The following KAZN variants were observed in gnomAD, a reference collection of about 807,000 sequenced individuals.
KAZN encodes the protein kazrin.
KAZN carries 40 observed loss-of-function variants against 87.4 expected under a neutral mutation model. The ratio of observed to expected loss-of-function variants is 0.46; its 90% CI spans 0.36 to 0.60. KAZN has a LOEUF of 0.60. Ranked by LOEUF, KAZN falls within the 20% of genes least tolerant of loss-of-function variation. The pLI is 0.00. For synonymous variants in KAZN, 466 were observed against 458.3 expected (o/e 1.02, Z -0.22); for missense variants, 898 against 1,073.9 (o/e 0.84, Z 2.29).
At chr1:14,992,891 G>A (rs1244016251) in intron 2 of KAZN, among the ~76,000 whole-genome samples, 1 of 151,850 alleles carries the variant, frequency 6.6e-6, no homozygotes, top group South Asian at 2.1e-4. Context: ...CGATCCACTC[G>A]CCTCAGCCTC....
chr1:14,137,865 C>T (rs917363423), intron 1 of KAZN, among the ~76,000 whole-genome samples: 14 of 151,924 alleles, frequency 9.2e-5, no homozygotes, highest in African/African-American at 2.2e-4. Flanking sequence ...TGTGCCACCA[C>T]GCCCAGGCAG....
chr1:13,933,290 C>T (rs149803053), intron 1 of KAZN, among the ~76,000 whole-genome samples: 2,904 of 151,950 alleles, frequency 0.019, 37 homozygotes, highest in Middle Eastern at 0.041. Context: ...GTCAGGAGTT[C>T]GAGACCAGAC....
At chr1:14,120,580 G>C (rs1308868609) in intron 1 of KAZN, among the ~76,000 whole-genome samples, 4 of 152,156 alleles carry the variant, frequency 2.6e-5, no homozygotes, top group Non-Finnish European at 5.9e-5. Flanking sequence ...CCTTCACTGG[G>C]CCCAGAGGTA....
At chr1:14,016,582 A>C (rs954673359) in intron 1 of KAZN, among the ~76,000 whole-genome samples, 4 of 152,072 alleles carry the variant, frequency 2.6e-5, no homozygotes, top group African/African-American at 9.7e-5. Flanking sequence ...TCCCAGTGAA[A>C]TTTCAGAATA....
intron 1 of KAZN, among the ~76,000 whole-genome samples, chr1:14,029,770 A>C (rs1330218289): frequency 6.6e-6 from 1 of 151,558 alleles, no homozygotes; most frequent in African/African-American, 2.4e-5. Context: ...GGTTTGTCAA[A>C]GATCAGATAG....
At chr1:14,576,308 G>A (rs1350362582) in intron 2 of KAZN, among the ~76,000 whole-genome samples, 1 of 151,066 alleles carries the variant, frequency 6.6e-6, no homozygotes, top group Non-Finnish European at 1.5e-5. Context: ...ATGGATGGAT[G>A]GATGGATGGA....
At chr1:14,195,704 G>A (rs1279484483) in intron 2 of KAZN, among the ~76,000 whole-genome samples, 1 of 152,112 alleles carries the variant, frequency 6.6e-6, no homozygotes, top group Non-Finnish European at 1.5e-5. Context: ...ATAAGAAAAT[G>A]TTGCATCTGA....
intron 2 of KAZN, among the ~76,000 whole-genome samples, chr1:14,567,465 T>C (rs1288071452): frequency 6.6e-6 from 1 of 152,216 alleles, no homozygotes; most frequent in Non-Finnish European, 1.5e-5. Flanking sequence ...AGTGAGCACA[T>C]GCTGTTGGAA....
intron 2 of KAZN, among the ~76,000 whole-genome samples, chr1:14,335,023 G>A (rs1397403508): frequency 6.6e-6 from 1 of 151,998 alleles, no homozygotes; most frequent in Non-Finnish European, 1.5e-5. Flanking sequence ...TGAGTCTCAT[G>A]TTGAAACGTG....
intron 2 of KAZN, among the ~76,000 whole-genome samples, chr1:14,213,478 T>C (rs2100462274): frequency 6.6e-6 from 1 of 152,152 alleles, no homozygotes; most frequent in Non-Finnish European, 1.5e-5. Context: ...GGGAGGAGTA[T>C]CCAAGACAGA....
intron 1 of KAZN, among the ~76,000 whole-genome samples, chr1:14,120,691 T>A (rs1346477340): frequency 6.6e-6 from 1 of 152,150 alleles, no homozygotes; most frequent in East Asian, 1.9e-4. Flanking sequence ...TGGAGGGGAT[T>A]GGCAGTGTTC....
chr1:14,793,966 A>C (rs774793078), intron 1 of KAZN, among the ~76,000 whole-genome samples: 22 of 152,214 alleles, frequency 1.4e-4, no homozygotes, highest in Admixed American at 2.6e-4. Context: ...GAGGAAATTA[A>C]AAACCAGATT....
chr1:14,067,572 G>A (rs1014284524), intron 1 of KAZN, among the ~76,000 whole-genome samples: 2 of 152,150 alleles, frequency 1.3e-5, no homozygotes, highest in Non-Finnish European at 2.9e-5. Context: ...AGTGCCTGGT[G>A]CCTCATGCTG....
chr1:14,363,451 AG>A (rs1659692014), intron 2 of KAZN, among the ~76,000 whole-genome samples: 1 of 152,206 alleles, frequency 6.6e-6, no homozygotes. Context: ...TGGGCTGCTC[AG>A]ACTTCATAGT....
chr1:14,073,819 T>C (rs1008984185), intron 1 of KAZN, among the ~76,000 whole-genome samples: 1 of 152,202 alleles, frequency 6.6e-6, no homozygotes, highest in Non-Finnish European at 1.5e-5. Context: ...TTTGGGTTGG[T>C]TCCAAGTCTT....
At chr1:14,883,401 A>AAGAAAGAAAGAAAGAAAG (rs1557586771) in intron 1 of KAZN, among the ~76,000 whole-genome samples, 8 of 143,812 alleles carry the variant, frequency 5.6e-5, no homozygotes, top group African/African-American at 2.2e-4. Flanking sequence ...GAAAGAAAGA[A>AAGAAAGAAAGAAAGAAAG]AGAAAGAAAG....
In KAZN at chr1:14,789,805, A is replaced by G. The variant is rs549908604; in HGVS notation, c.227-170879A>G. 2.7e-3 allele frequency among the ~76,000 whole-genome samples: 370 copies of G among 138,324 alleles called. 3 individuals carry two copies. Among genetic ancestry groups the G allele is most frequent in the African/African-American group, 9.2e-3 (343 of 37,312 alleles). 90.7% of individuals were successfully genotyped at this position (138,324 alleles called of 152,430 possible). On this transcript the variant is annotated intron_variant, in intron 1 of 14. Transcript: ENST00000376030. The stretch of plus-strand genomic sequence containing the variant: ...AAAAAAAAAAAAAAAAAATCCCTAG[A>G]GCCTAGACAGTATCTGGCACACAGT...
chr1:14,131,723 A>G (rs1037919902), intron 1 of KAZN, among the ~76,000 whole-genome samples: 4 of 152,078 alleles, frequency 2.6e-5, no homozygotes, highest in African/African-American at 9.7e-5. Flanking sequence ...GGGTTACATA[A>G]CTTTCAAGAT....
chr1:14,205,026 A>T (rs1333602148), intron 2 of KAZN, among the ~76,000 whole-genome samples: 2 of 152,220 alleles, frequency 1.3e-5, no homozygotes, highest in Non-Finnish European at 1.5e-5. Context: ...GTGGCCTTCC[A>T]TGCAGCTGGT....
Sources: allele counts gnomAD v4.1 joint callset (sites outside exome capture counted in the v4.1 genomes callset), GRCh38; gene constraint gnomAD v4.1.1; transcripts MANE v1.5; gene names NCBI Gene and HGNC (gene_info 2026-07-23, HGNC 2026-07-21).